Variants in TET1 observed in about 807,000 individuals in gnomAD.
The protein encoded by TET1 is tet methylcytosine dioxygenase 1, also known as methylcytosine dioxygenase TET1.
A neutral mutation model predicts 148.7 loss-of-function variants in TET1; 13 were observed. That is an observed-to-expected ratio of 0.09 (90% CI 0.06 to 0.14). The LOEUF (loss-of-function observed/expected upper bound fraction) is 0.14, where lower values mean the gene tolerates loss of function less well. TET1 is among the 10% of genes least tolerant of loss of function. The pLI is 1.00. For synonymous variants in TET1, 907 were observed against 937.2 expected (o/e 0.97, Z 0.59); for missense variants, 2,182 against 2,553.8 (o/e 0.85, Z 3.14).
intron 3 of TET1, among the ~76,000 whole-genome samples, chr10:68,607,938 T>C (rs1335899522): frequency 1.4e-5 from 2 of 147,464 alleles, no homozygotes; most frequent in Admixed American, 1.4e-4. Context: ...AACAGTGTCT[T>C]TTTTTTTTTT....
At chr10:68,650,651 A>G (rs1481918412) in intron 4 of TET1, among the ~76,000 whole-genome samples, 1 of 152,036 alleles carries the variant, frequency 6.6e-6, no homozygotes, top group Non-Finnish European at 1.5e-5. Context: ...ATAATAAAAA[A>G]TAAAGGTGAA....
intron 2 of TET1, among the ~76,000 whole-genome samples, chr10:68,578,086 A>C (rs1180062453): frequency 1.3e-5 from 2 of 152,110 alleles, no homozygotes; most frequent in African/African-American, 2.4e-5. Flanking sequence ...TGTTTCTAAA[A>C]TACTTTGTTG....
chr10:68,590,274 G>A (rs998142414), intron 2 of TET1, among the ~76,000 whole-genome samples: 2 of 151,788 alleles, frequency 1.3e-5, no homozygotes, highest in African/African-American at 2.4e-5. Flanking sequence ...CACCATGCCC[G>A]GCTAGTGTTT....
At chr10:68,647,856 C>T (rs1026071322) in intron 4 of TET1, among the ~76,000 whole-genome samples, 6 of 152,114 alleles carry the variant, frequency 3.9e-5, no homozygotes, top group African/African-American at 1.4e-4. Context: ...ACGCTCTGTC[C>T]AGTACAAGAT....
intron 3 of TET1, among the ~76,000 whole-genome samples, chr10:68,627,603 A>T (rs1010247419): frequency 6.6e-6 from 1 of 151,644 alleles, no homozygotes; most frequent in African/African-American, 2.4e-5. Flanking sequence ...CTCAAAAAAA[A>T]GTAAAAAGAA....
chr10:68,683,331 G>T (rs1227739119), intron 10 of TET1, among the ~76,000 whole-genome samples: 4 of 151,994 alleles, frequency 2.6e-5, no homozygotes, highest in African/African-American at 9.7e-5. Flanking sequence ...CAGGCTAGAG[G>T]GTAGTGGCAC....
intron 3 of TET1, among the ~76,000 whole-genome samples, chr10:68,606,651 G>A (rs1319118332): frequency 6.6e-6 from 1 of 151,706 alleles, no homozygotes; most frequent in Non-Finnish European, 1.5e-5. Context: ...TATAGTCCCA[G>A]GCAACTAATC....
At chr10:68,560,895 G>T (rs2053544222) in intron 1 of TET1, among the ~76,000 whole-genome samples, 153 bp downstream of exon 1, 1 of 152,134 alleles carries the variant, frequency 6.6e-6, no homozygotes, top group African/African-American at 2.4e-5. Flanking sequence ...GGGTGGGCTC[G>T]TTCCCCGCCT....
At chr10:68,669,372 G>A (rs780906607) in intron 7 of TET1, among the ~76,000 whole-genome samples, 71 of 150,724 alleles carry the variant, frequency 4.7e-4, no homozygotes, top group Non-Finnish European at 8.1e-4. Flanking sequence ...TTGCGGTGGC[G>A]TGACCTCAGC....
At position 68,652,594 on chromosome 10, in the gene TET1, GGTAA is replaced by G. The variant is rs1323670402; in HGVS notation, c.4461+4_4461+7del. On this transcript the variant is annotated splice_donor_variant and splice_donor_region_variant and intron_variant, in intron 6 of 11. Transcript: ENST00000373644. LOFTEE classifies it high-confidence loss of function. ...CTCATGGGTGTCCAATTGCTAAGTG[GGTAA>G]GTATTTCCTATTTATACATTTTTTT... The G allele has an allele frequency of 1.2e-6, 2 of 1,602,386 alleles. No individual in the cohort carries two copies. Among genetic ancestry groups the G allele is most frequent in the Non-Finnish European group, 1.7e-6 (2 of 1,172,160 alleles).
At chr10:68,606,160 G>A (rs537799718) in intron 3 of TET1, among the ~76,000 whole-genome samples, 2 of 151,372 alleles carry the variant, frequency 1.3e-5, no homozygotes, top group East Asian at 2.1e-4. Flanking sequence ...TGAGGTCAGG[G>A]GTTCAAGACC....
chr10:68,605,131 A>G (rs2054105732), intron 3 of TET1, among the ~76,000 whole-genome samples: 1 of 152,232 alleles, frequency 6.6e-6, no homozygotes, highest in Non-Finnish European at 1.5e-5. Context: ...TGCAGGGTTC[A>G]GCACTGACTT....
intron 3 of TET1, among the ~76,000 whole-genome samples, chr10:68,620,120 A>G (rs1038535360): frequency 6.6e-6 from 1 of 152,176 alleles, no homozygotes; most frequent in African/African-American, 2.4e-5. Flanking sequence ...GCTTGAACAC[A>G]GGAGGCGGAG....
intron 3 of TET1, among the ~76,000 whole-genome samples, chr10:68,622,231 TCCCTTCCC>T (rs1261468628): frequency 7.7e-4 from 55 of 71,860 alleles, no homozygotes; most frequent in African/African-American, 3.3e-3. Flanking sequence ...CCCTCCTTCC[TCCCTTCCC>T]TCCCTCCCTC....
At chr10:68,580,803 A>T (rs796453232) in intron 2 of TET1, among the ~76,000 whole-genome samples, 33,157 of 115,888 alleles carry the variant, frequency 0.29, 4,759 homozygotes, top group East Asian at 0.38. Flanking sequence ...AAAAAAAAAA[A>T]AAATATATAT....
At position 68,686,462 on chromosome 10, in the gene TET1, G is replaced by T; in HGVS notation, c.5159G>T (p.Gly1720Val). 1 of 1,614,066 alleles carries T rather than the reference G, an allele frequency of 6.2e-7. No individual in the cohort carries two copies. Among genetic ancestry groups the T allele is most frequent in the Non-Finnish European group, 8.5e-7 (1 of 1,180,020 alleles). The part of the protein sequence containing the change: ...LYKLSDTDEF[G>V]SKEGMEAKIK... ...AAGCTTTCAGACACAGATGAGTTTG[G>T]CTCCAAGGAAGGAATGGAAGCCAAG... Residue 1720 changes from glycine to valine, a missense_variant, in exon 11 of 12, where the codon GGC (glycine) becomes GTC (valine). Physicochemically the swap from Gly to Val is moderately radical, Grantham distance 109 (BLOSUM62 -3). Coordinates refer to ENST00000373644, the MANE Select transcript of TET1 (RefSeq NM_030625.3).
At chr10:68,688,740 C>G (rs2055551563) in intron 11 of TET1, among the ~76,000 whole-genome samples, 1 of 152,062 alleles carries the variant, frequency 6.6e-6, no homozygotes, top group Non-Finnish European at 1.5e-5. Flanking sequence ...GCCCGGCCTA[C>G]TTTCTTAACT....
Position 68,573,416 on chromosome 10 carries a change from G to T in TET1, c.1078G>T (p.Asp360Tyr), listed in dbSNP as rs755954369. ...TACTGCAAATCAACAGGAAGTTTCT[G>T]ATACCACCTCTTTCCTAGGACAGGC... is the stretch of plus-strand genomic sequence containing the variant. ...EATANQQEVS[D>Y]TTSFLGQAFG... Residue 360 changes from aspartate (D) to tyrosine (Y), a missense_variant, in exon 2 of 12, where the codon GAT becomes TAT. Physicochemically the swap from Asp to Tyr is radical, Grantham distance 160. Transcript: ENST00000373644. The T allele has an allele frequency of 1.9e-6, 3 of 1,614,008 alleles. No homozygotes were observed. The highest frequency in any genetic ancestry group is 1.1e-5 in the South Asian group (1 of 91,070).
At chr10:68,565,475 A>AAAT (rs1388182777) in intron 1 of TET1, among the ~76,000 whole-genome samples, 150 of 129,214 alleles carry the variant, frequency 1.2e-3, no homozygotes, top group Admixed American at 1.7e-3. Context: ...AAAAAAAAAA[A>AAAT]ATATATATAT....
Sources: gnomAD v4.1 joint callset for allele counts (sites outside exome capture counted in the v4.1 genomes callset) on GRCh38, gnomAD v4.1.1 for gene constraint, MANE v1.5 for transcripts, NCBI Gene and HGNC (gene_info 2026-07-23, HGNC 2026-07-21) for gene names.